Variants in LSM14A observed in about 807,000 individuals in gnomAD.
LSM14A encodes the protein LSM14A mRNA processing body assembly factor, also known as protein LSM14 homolog A.
In LSM14A, 14 loss-of-function variants were observed where a neutral mutation model predicts 52.4. The observed-to-expected ratio is 0.27, with a 90% CI of 0.18 to 0.42. The LOEUF (loss-of-function observed/expected upper bound fraction) is 0.42. Among genes scored for constraint, LSM14A ranks in the 10% least tolerant of loss-of-function variants. LSM14A has a pLI of 1.00. For synonymous variants in LSM14A, 185 were observed against 200.3 expected (o/e 0.92, Z 0.64); for missense variants, 417 against 581.8 (o/e 0.72, Z 2.91).
intron 2 of LSM14A, among the ~76,000 whole-genome samples, chr19:34,194,995 A>G (rs1853515197): frequency 6.6e-6 from 1 of 151,982 alleles, no homozygotes; most frequent in Non-Finnish European, 1.5e-5. Context: ...TGGAGCCACA[A>G]TTTGAACAGA....
At chr19:34,183,348 C>T (rs2069641013) in intron 1 of LSM14A, among the ~76,000 whole-genome samples, 1 of 152,068 alleles carries the variant, frequency 6.6e-6, no homozygotes, top group Non-Finnish European at 1.5e-5. Flanking sequence ...GTCAGGAGTT[C>T]GAGATCAGCC....
chr19:34,202,383 C>T (rs1281025450), intron 3 of LSM14A, among the ~76,000 whole-genome samples: 1 of 150,960 alleles, frequency 6.6e-6, no homozygotes, highest in Non-Finnish European at 1.5e-5. Flanking sequence ...ATCCCAGCTG[C>T]TCCAGAGGCT....
chr19:34,173,500 G>T (rs564679216), intron 1 of LSM14A, among the ~76,000 whole-genome samples: 2 of 152,288 alleles, frequency 1.3e-5, no homozygotes, highest in African/African-American at 4.8e-5. Context: ...TCCAGGCTCA[G>T]TGGGCGTTGA....
At chr19:34,188,784 T>G (rs1354755935) in intron 1 of LSM14A, among the ~76,000 whole-genome samples, 1 of 151,982 alleles carries the variant, frequency 6.6e-6, no homozygotes, top group Non-Finnish European at 1.5e-5. Context: ...GTATCAGCAT[T>G]GTGGTTTTTT....
intron 1 of LSM14A, among the ~76,000 whole-genome samples, chr19:34,187,846 A>G (rs1311687252): frequency 6.6e-6 from 1 of 152,130 alleles, no homozygotes; most frequent in Non-Finnish European, 1.5e-5. Context: ...ACTGGATTAG[A>G]TGAGTGATTT....
intron 1 of LSM14A, among the ~76,000 whole-genome samples, chr19:34,180,543 T>G (rs529371192): frequency 6.6e-6 from 1 of 152,308 alleles, no homozygotes; most frequent in South Asian, 2.1e-4. Flanking sequence ...CCATGTTATT[T>G]CCCACCACGA....
At chr19:34,174,386 G>A (rs551454732) in intron 1 of LSM14A, among the ~76,000 whole-genome samples, 16 of 152,334 alleles carry the variant, frequency 1.1e-4, no homozygotes, top group African/African-American at 3.8e-4. Flanking sequence ...CAAATTTGCT[G>A]AAGATCATTG....
chr19:34,215,199 A>T lies in LSM14A; in HGVS notation c.614A>T (p.His205Leu). Residue 205 changes from histidine (H) to leucine (L), a missense_variant, in exon 5 of 10, where the codon CAC becomes CTC. Around this residue, in one of 2 missense-constraint regions of LSM14A, gnomAD observed 357 missense variants for 457.0 expected, o/e 0.78. Transcript: ENST00000544216. ...CAAGCAGTGCAGACCGCCTCAGCCC[A>T]CTTACCTGCTCCAGCAGCTGTTGGG... ...MEQAVQTASAHLPAPAAVGRR... is the reference protein window; with the variant it reads ...MEQAVQTASALLPAPAAVGRR... The T allele has an allele frequency of 1.2e-6, 2 of 1,614,184 alleles. No homozygotes were observed. The highest frequency in any genetic ancestry group is 1.7e-6 in the Non-Finnish European group (2 of 1,180,036).
At chr19:34,188,087 G>C (rs1015737100) in intron 1 of LSM14A, among the ~76,000 whole-genome samples, 4 of 152,056 alleles carry the variant, frequency 2.6e-5, no homozygotes, top group African/African-American at 9.7e-5. Flanking sequence ...AGGAGTTGGA[G>C]ACCAACCTGG....
At chr19:34,190,315 A>G (rs1013454901) in intron 1 of LSM14A, among the ~76,000 whole-genome samples, 4 of 152,092 alleles carry the variant, frequency 2.6e-5, no homozygotes, top group African/African-American at 9.7e-5. Flanking sequence ...ATGTTTCTCA[A>G]ACTCTTGGTG....
chr19:34,219,782 T>G lies in LSM14A; in HGVS notation c.1041T>G (p.Ser347Arg). ...KGDSGVDTQN[S>R]EGNADEEDPL... ...ACTCAGGAGTTGATACCCAAAACAG[T>G]GAAGGAAATGCCGATGAAGAAGATC... The change falls in exon 8 of 10, where the codon AGT becomes AGG. Residue 347 changes from serine to arginine, a missense_variant. By Grantham distance (110) the Ser-to-Arg change is moderately radical. Transcript: ENST00000544216. The G allele has an allele frequency of 6.2e-7, 1 of 1,613,616 alleles. No individual in the cohort carries two copies. Among genetic ancestry groups the G allele is most frequent in the South Asian group, 1.1e-5 (1 of 91,058 alleles).
At chr19:34,220,047 G>A (rs1395638240) in intron 8 of LSM14A, among the ~76,000 whole-genome samples, 170 bp downstream of exon 8, 1 of 152,176 alleles carries the variant, frequency 6.6e-6, no homozygotes, top group African/African-American at 2.4e-5. Flanking sequence ...ACAGCTCACT[G>A]TAGTCTCAAG....
At chr19:34,217,975 G>C (rs1245660232) in intron 6 of LSM14A, among the ~76,000 whole-genome samples, 1 of 141,842 alleles carries the variant, frequency 7.1e-6, no homozygotes, top group Non-Finnish European at 1.5e-5. Context: ...TACAGACACA[G>C]ACATCTATAC....
chr19:34,226,740 G>GT (rs2073367483), intron 9 of LSM14A, among the ~76,000 whole-genome samples: 1 of 151,874 alleles, frequency 6.6e-6, no homozygotes, highest in Non-Finnish European at 1.5e-5. Flanking sequence ...CCAGCCCTTT[G>GT]TACAGGCCTT....
At chr19:34,197,583 T>A (rs1234758352) in intron 3 of LSM14A, among the ~76,000 whole-genome samples, 3 of 151,066 alleles carry the variant, frequency 2.0e-5, no homozygotes, top group Admixed American at 6.6e-5. Context: ...GGATTACAGG[T>A]GTGCGCCACC....
At chr19:34,194,983 G>A (rs1368855039) in intron 2 of LSM14A, among the ~76,000 whole-genome samples, 1 of 152,018 alleles carries the variant, frequency 6.6e-6, no homozygotes, top group East Asian at 1.9e-4. Context: ...AGGAAGTTCA[G>A]ATGGAGCCAC....
chr19:34,176,722 C>T (rs2145466073), intron 1 of LSM14A, among the ~76,000 whole-genome samples: 1 of 152,274 alleles, frequency 6.6e-6, no homozygotes. Flanking sequence ...CTATTATAAA[C>T]AATGCTTTTA....
At chr19:34,215,711 A>G (rs779469710) in intron 6 of LSM14A, 50 bp downstream of exon 6, 6 of 1,224,708 alleles carry the variant, frequency 4.9e-6, no homozygotes, top group Non-Finnish European at 7.1e-6. Flanking sequence ...AACAGGGAGA[A>G]TATTTTAAAT....
chr19:34,215,432 C>G, intron 5 of LSM14A, 132 bp downstream of exon 5: 1 of 1,174,424 alleles, frequency 8.5e-7, no homozygotes, highest in Non-Finnish European at 1.2e-6. Flanking sequence ...AATGTTTGGT[C>G]TTTCAAATTT....
Sources: gnomAD v4.1 joint callset for allele counts (sites outside exome capture counted in the v4.1 genomes callset) on GRCh38, gnomAD v4.1.1 for gene constraint, gnomAD v4.1.1 regional missense constraint, MANE v1.5 for transcripts, NCBI Gene and HGNC (gene_info 2026-07-23, HGNC 2026-07-21) for gene names.